Variants in EPHB2 observed in about 807,000 individuals in gnomAD.
EPHB2 encodes the protein ephrin type-B receptor 2.
Under a neutral mutation model 96.4 loss-of-function variants are expected in EPHB2, and 18 were observed. The observed-to-expected ratio is 0.19, with a 90% CI of 0.13 to 0.28. EPHB2 has a LOEUF of 0.28. Ranked by LOEUF, EPHB2 falls within the 10% of genes least tolerant of loss-of-function variation. The pLI, the probability that EPHB2 is intolerant of heterozygous loss-of-function variation, is 1.00. For synonymous variants in EPHB2, 506 were observed against 534.1 expected (o/e 0.95, Z 0.72); for missense variants, 989 against 1,355.4 (o/e 0.73, Z 4.25).
At chr1:22,786,130 C>T (rs868106915) in intron 3 of EPHB2, among the ~76,000 whole-genome samples, 1 of 152,178 alleles carries the variant, frequency 6.6e-6, no homozygotes, top group African/African-American at 2.4e-5. Context: ...GGTTGAAGGA[C>T]CTGGGTTAAA....
chr1:22,808,653 C>G (rs909427243), intron 3 of EPHB2, among the ~76,000 whole-genome samples: 5 of 152,196 alleles, frequency 3.3e-5, no homozygotes, highest in African/African-American at 9.7e-5. Flanking sequence ...TTAACATTTA[C>G]TGAGTGATAT....
rs142696573 is a variant in EPHB2, at chr1:22,906,009, C to T, written c.1788C>T (p.Tyr596=). The change falls in exon 10 of 16, where the codon TAC becomes TAT. Residue 596 remains tyrosine, a synonymous_variant. Transcript: ENST00000374630. The surrounding 1 kb of genome is among the most constrained non-coding windows in gnomAD (Gnocchi z 4.8). The stretch of plus-strand genomic sequence containing the variant: ...CAGTGACCCCAGGCATGAAGATCTA[C>T]ATCGATCCTTTCACCTACGAGGACC... The part of the protein sequence containing the change: ...SGHMTPGMKI[Y]IDPFTYEDPN... 3.2e-5 allele frequency: 51 copies of T among 1,614,098 alleles called. No individual in the cohort carries two copies. In the Admixed American group the frequency reaches 5.8e-4, roughly 18 times the overall value.
intron 2 of EPHB2, among the ~76,000 whole-genome samples, chr1:22,782,503 G>A (rs1644548841): frequency 6.7e-6 from 1 of 150,026 alleles, no homozygotes; most frequent in East Asian, 2.0e-4. Flanking sequence ...AGGGCCCCAG[G>A]GTCAGGCCGC....
rs1335394312 is a variant in EPHB2, at chr1:22,907,886, G to A, written c.2137-67G>A. 7 of 1,579,106 alleles carry A rather than the reference G, an allele frequency of 4.4e-6. No homozygotes were observed. The East Asian group carries it at 1.6e-4, about 35-fold the overall frequency. ...GGGCCCTGCTCTGGTTTCCCATTATGAGGATGATGCAGAGCTCTGATGCCT... is the reference window on the plus strand; with the variant it reads ...GGGCCCTGCTCTGGTTTCCCATTATAAGGATGATGCAGAGCTCTGATGCCT... On this transcript the variant is annotated intron_variant, in intron 11 of 15. Transcript: ENST00000374630.
At chr1:22,754,364 C>T (rs545826154) in intron 1 of EPHB2, among the ~76,000 whole-genome samples, 1 of 152,286 alleles carries the variant, frequency 6.6e-6, no homozygotes, top group East Asian at 1.9e-4. Flanking sequence ...AGTCCATATC[C>T]CGCCATAAAT....
intron 6 of EPHB2, chr1:22,882,775 T>G: frequency 2.6e-6 from 1 of 388,442 alleles, no homozygotes; most frequent in Non-Finnish European, 4.9e-6. Flanking sequence ...CACGACCCTT[T>G]CATCTTGACC....
chr1:22,862,904 A>G (rs543517569), intron 3 of EPHB2, 133 bp from the exon 4 acceptor site: 879 of 1,205,560 alleles, frequency 7.3e-4, no homozygotes, highest in Middle Eastern at 2.1e-3. Flanking sequence ...CCTTCAAGAG[A>G]TGAGATTTTC....
chr1:22,814,712 G>A (rs1181355124), intron 3 of EPHB2, among the ~76,000 whole-genome samples: 2 of 152,218 alleles, frequency 1.3e-5, no homozygotes, highest in African/African-American at 4.8e-5. Flanking sequence ...GGTTGGTTGA[G>A]TGGGCCTGAG....
intron 1 of EPHB2, among the ~76,000 whole-genome samples, chr1:22,750,830 A>T (rs902031574): frequency 6.6e-6 from 1 of 152,180 alleles, no homozygotes; most frequent in African/African-American, 2.4e-5. Flanking sequence ...CACCTTCCAG[A>T]TGAGTAAGCT....
At chr1:22,786,388 C>G (rs1368629291) in intron 3 of EPHB2, among the ~76,000 whole-genome samples, 1 of 152,192 alleles carries the variant, frequency 6.6e-6, no homozygotes, top group Non-Finnish European at 1.5e-5. Flanking sequence ...TGTCCTCTTG[C>G]ATTCCCCATT....
At chr1:22,818,314 C>G (rs1456034638) in intron 3 of EPHB2, among the ~76,000 whole-genome samples, 1 of 152,074 alleles carries the variant, frequency 6.6e-6, no homozygotes, top group East Asian at 1.9e-4. Context: ...CAAGTCCTGC[C>G]CATTTTCTCT....
Position 22,914,407 on chromosome 1 carries a change from C to T in EPHB2, c.*837C>T, listed in dbSNP as rs927374583. ...GCCTCGAGGACTGATACTGCAGTGA[C>T]TGCCGTCAGCTCCGACTGCCGCTGA... On this transcript the variant is annotated 3_prime_UTR_variant, in exon 16 of 16. Coordinates refer to ENST00000374630, the MANE Select transcript of EPHB2 (RefSeq NM_017449.5). 1 of 155,290 alleles carries T rather than the reference C, an allele frequency of 6.4e-6. No individual in the cohort carries two copies. Among genetic ancestry groups the T allele is most frequent in the Non-Finnish European group, 1.4e-5 (1 of 69,692 alleles). The allele number at this position is 155,290 out of a possible 1,614,324, so 9.6% of individuals were successfully genotyped here. A position where few individuals can be genotyped will look rare whatever the true frequency, so the allele number is the denominator to read the frequency against.
intron 5 of EPHB2, 38 bp from the exon 6 acceptor site, chr1:22,882,321 A>T: frequency 6.2e-7 from 1 of 1,611,020 alleles, no homozygotes. Context: ...GCACCTTCTC[A>T]TGCCTCCCTG....
chr1:22,754,138 A>G lies in EPHB2; in HGVS notation c.62-27283A>G, dbSNP rs543581991. 3.9e-5 allele frequency among the ~76,000 whole-genome samples: 6 copies of G among 152,290 alleles called. No homozygotes were observed. In the East Asian group the frequency reaches 1.2e-3, roughly 29 times the overall value. ...ACACTGGACCCTCTGTGGCCACCCC[A>G]GGAGTGAGACAGGCAGCCAGGAAGC... is the stretch of plus-strand genomic sequence containing the variant. On this transcript the variant is annotated intron_variant, in intron 1 of 15. Coordinates refer to ENST00000374630, the MANE Select transcript of EPHB2 (RefSeq NM_017449.5).
chr1:22,717,482 C>T (rs1643324040), intron 1 of EPHB2, among the ~76,000 whole-genome samples: 1 of 152,184 alleles, frequency 6.6e-6, no homozygotes, highest in African/African-American at 2.4e-5. Flanking sequence ...GCTGCAGCCC[C>T]TGTGGGGTGG....
chr1:22,761,853 C>A (rs1003191860), intron 1 of EPHB2, among the ~76,000 whole-genome samples: 1 of 152,196 alleles, frequency 6.6e-6, no homozygotes, highest in Non-Finnish European at 1.5e-5. Context: ...GAAACCAAGG[C>A]CCAGGGCAGC....
intron 5 of EPHB2, among the ~76,000 whole-genome samples, chr1:22,870,773 G>A (rs536102466): frequency 1.3e-5 from 2 of 152,344 alleles, no homozygotes; most frequent in South Asian, 4.1e-4. Flanking sequence ...GTAGTGGGAA[G>A]GGTCTGTGCT....
At chr1:22,808,136 A>AAAAAAG (rs1305340566) in intron 3 of EPHB2, among the ~76,000 whole-genome samples, 2 of 152,050 alleles carry the variant, frequency 1.3e-5, no homozygotes, top group African/African-American at 2.4e-5. Context: ...TGTCACAAAA[A>AAAAAAG]AAAAAGAAAA....
chr1:22,741,374 C>T (rs1381639015), intron 1 of EPHB2, among the ~76,000 whole-genome samples: 2 of 152,074 alleles, frequency 1.3e-5, no homozygotes, highest in African/African-American at 2.4e-5. Flanking sequence ...TTTTCCCTCC[C>T]CTGACGACAC....
Sources: gnomAD v4.1 joint callset for allele counts (sites outside exome capture counted in the v4.1 genomes callset) on GRCh38, gnomAD v4.1.1 for gene constraint, Gnocchi (gnomAD v3.1) non-coding constraint, MANE v1.5 for transcripts, NCBI Gene and HGNC (gene_info 2026-07-23, HGNC 2026-07-21) for gene names.